TMEM135: variants seen among roughly 807,000 people sequenced by gnomAD.
The protein encoded by TMEM135 is transmembrane protein 135.
In TMEM135, 30 loss-of-function variants were observed where a neutral mutation model predicts 60.3. The observed-to-expected ratio is 0.50, with a 90% CI of 0.37 to 0.68. The LOEUF is 0.68. Among genes scored for constraint, TMEM135 ranks in the 30% least tolerant of loss-of-function variants. The pLI, the probability that TMEM135 is intolerant of heterozygous loss-of-function variation, is 0.00. For missense variants in TMEM135, 468 were observed against 548.8 expected (o/e 0.85, Z 1.47); for synonymous variants, 190 against 186.7 (o/e 1.02, Z -0.14).
intron 5 of TMEM135, among the ~76,000 whole-genome samples, chr11:87,210,374 T>G (rs539835388): frequency 6.6e-6 from 1 of 152,254 alleles, no homozygotes; most frequent in South Asian, 2.1e-4. Flanking sequence ...ATTCTCAGAC[T>G]ATTACAGATA....
At chr11:87,259,388 A>G (rs7101631) in intron 6 of TMEM135, 103,651 of 297,404 alleles carry the variant, frequency 0.35, 19,112 homozygotes, top group Non-Finnish European at 0.41. Context: ...GTGTGTGTGT[A>G]TATGTGTATG....
chr11:87,098,491 G>A (rs756073428), intron 4 of TMEM135, among the ~76,000 whole-genome samples: 3 of 152,060 alleles, frequency 2.0e-5, no homozygotes, highest in Non-Finnish European at 2.9e-5. Flanking sequence ...TTTGAACTGC[G>A]TGTGAACACT....
chr11:87,247,300 G>T (rs575416825), intron 6 of TMEM135, among the ~76,000 whole-genome samples: 17 of 152,348 alleles, frequency 1.1e-4, no homozygotes, highest in Non-Finnish European at 2.1e-4. Flanking sequence ...TCGGGGGTCA[G>T]GGGTCAGGGA....
chr11:87,171,958 C>T (rs556160), intron 5 of TMEM135, among the ~76,000 whole-genome samples: 32,311 of 152,056 alleles, frequency 0.21, 4,031 homozygotes, highest in East Asian at 0.54. Flanking sequence ...CAGTAATGCT[C>T]GCTTGCTTGC....
chr11:87,321,276 C>T lies in TMEM135; in HGVS notation c.1320C>T (p.Pro440=). The T allele has an allele frequency of 1.2e-6, 2 of 1,613,712 alleles. No individual in the cohort carries two copies. Among genetic ancestry groups the T allele is most frequent in the Non-Finnish European group, 1.7e-6 (2 of 1,179,704 alleles). ...GASKHFQDFI[P]RLDPRYTTVT... Reference sequence around the variant, plus strand: ...CTAAACACTTTCAGGATTTCATCCCCAGGTTGGATCCAAGATACACAACTG... The same window carrying T: ...CTAAACACTTTCAGGATTTCATCCCTAGGTTGGATCCAAGATACACAACTG... The change falls in exon 15 of 15, where the codon CCC becomes CCT. Residue 440 remains proline (P), a synonymous_variant. Transcript: ENST00000305494.
intron 4 of TMEM135, among the ~76,000 whole-genome samples, chr11:87,115,425 T>C (rs1324119985): frequency 2.0e-5 from 3 of 152,122 alleles, no homozygotes; most frequent in African/African-American, 4.8e-5. Flanking sequence ...GTGATTTTAT[T>C]TGGCATCAGA....
At chr11:87,157,666 G>A in intron 5 of TMEM135, 1 of 369,502 alleles carries the variant, frequency 2.7e-6, no homozygotes, top group Non-Finnish European at 4.9e-6. Flanking sequence ...CATTTTATTA[G>A]TAACTTCTAC....
At chr11:87,174,930 T>G (rs1939330980) in intron 5 of TMEM135, among the ~76,000 whole-genome samples, 1 of 152,134 alleles carries the variant, frequency 6.6e-6, no homozygotes, top group South Asian at 2.1e-4. Context: ...GGGAAGAAAT[T>G]AGTTTTGAAC....
At chr11:87,193,945 G>A (rs505890) in intron 5 of TMEM135, among the ~76,000 whole-genome samples, 19,932 of 151,788 alleles carry the variant, frequency 0.13, 1,359 homozygotes, top group Non-Finnish European at 0.15. Flanking sequence ...GAATTTTTGT[G>A]GTAAGCCATA....
intron 6 of TMEM135, among the ~76,000 whole-genome samples, chr11:87,285,620 C>G (rs965087786): frequency 6.6e-6 from 1 of 152,090 alleles, no homozygotes; most frequent in Non-Finnish European, 1.5e-5. Context: ...AAGCTGCAGA[C>G]CTTTGCAGTA....
chr11:87,311,504 G>A (rs1048607320), intron 10 of TMEM135, among the ~76,000 whole-genome samples: 5 of 151,954 alleles, frequency 3.3e-5, no homozygotes, highest in Non-Finnish European at 7.4e-5. Context: ...CTGTTTACAT[G>A]TGGTTTATCA....
intron 5 of TMEM135, among the ~76,000 whole-genome samples, chr11:87,167,417 C>G (rs1331909016): frequency 1.3e-5 from 2 of 152,056 alleles, no homozygotes; most frequent in Admixed American, 1.3e-4. Context: ...CAGCTTTTGC[C>G]CAGTTAGTAT....
intron 4 of TMEM135, among the ~76,000 whole-genome samples, chr11:87,143,003 A>C (rs1938308503): frequency 6.6e-6 from 1 of 150,496 alleles, no homozygotes; most frequent in Admixed American, 6.6e-5. Flanking sequence ...ATTTCTCTTC[A>C]GTCTTTTTTT....
chr11:87,307,575 AAGTT>A (rs1942573760), intron 9 of TMEM135, among the ~76,000 whole-genome samples: 1 of 152,108 alleles, frequency 6.6e-6, no homozygotes, highest in African/African-American at 2.4e-5. Flanking sequence ...TTGTATGAGA[AAGTT>A]AGTGAGAATT....
chr11:87,105,652 A>AT (rs1857576637), intron 4 of TMEM135, among the ~76,000 whole-genome samples: 1 of 152,238 alleles, frequency 6.6e-6, no homozygotes, highest in South Asian at 2.1e-4. Context: ...GTACATATTT[A>AT]TATGCTACAT....
chr11:87,297,525 C>T (rs1942367941), intron 7 of TMEM135, among the ~76,000 whole-genome samples: 1 of 152,142 alleles, frequency 6.6e-6, no homozygotes, highest in African/African-American at 2.4e-5. Flanking sequence ...AAGTTGATAA[C>T]AAAAACAAAA....
chr11:87,180,901 A>G (rs565140069), intron 5 of TMEM135, among the ~76,000 whole-genome samples: 1 of 152,348 alleles, frequency 6.6e-6, no homozygotes, highest in African/African-American at 2.4e-5. Context: ...CCTTTCTGGG[A>G]TACACTCCAA....
intron 4 of TMEM135, among the ~76,000 whole-genome samples, chr11:87,100,632 C>CA (rs1223178255): frequency 1.3e-5 from 2 of 152,022 alleles, no homozygotes. Context: ...GAGGCCAAGG[C>CA]AAGTGGATCA....
rs536591522 is a variant in TMEM135 at position 87,074,001 on chromosome 11, C to T, written c.362+2386C>T. Among the ~76,000 whole-genome samples, 66 of 151,132 alleles carry T rather than the reference C, an allele frequency of 4.4e-4. 1 individual carries two copies. The Middle Eastern group carries it at 0.024, about 55-fold the overall frequency. On this transcript the variant is annotated intron_variant, in intron 3 of 14. Coordinates refer to ENST00000305494, the MANE Select transcript of TMEM135 (RefSeq NM_022918.4). ...TTTTTTTTGGGACAGAGTCTCACTC[C>T]GTCACCCAGGCTGGAGTATAGTGGC... is the stretch of plus-strand genomic sequence containing the variant.
Sources: gnomAD v4.1 joint callset for allele counts (sites outside exome capture counted in the v4.1 genomes callset) on GRCh38, gnomAD v4.1.1 for gene constraint, MANE v1.5 for transcripts, NCBI Gene and HGNC (gene_info 2026-07-23, HGNC 2026-07-21) for gene names.